The following EIF2AK2 variants were observed in gnomAD, a reference collection of about 807,000 sequenced individuals.
EIF2AK2 encodes interferon-induced, double-stranded RNA-activated protein kinase.
EIF2AK2 carries 40 observed loss-of-function variants against 70.5 expected under a neutral mutation model. That is an observed-to-expected ratio of 0.57 (90% confidence interval 0.44 to 0.74). The LOEUF is 0.74. EIF2AK2 is among the 30% of genes least tolerant of loss of function. The probability of loss-of-function intolerance (pLI) is 0.00; values close to 1 mark genes in which losing one functional copy is unlikely to be tolerated. For missense variants in EIF2AK2, 555 were observed against 644.3 expected, an observed-to-expected ratio of 0.86 and a Z score of 1.50; for synonymous variants, 198 against 220.9, an observed-to-expected ratio of 0.90 and a Z score of 0.92.
chr2:37,145,488 TTAAAAA>T (rs1675500168), intron 4 of EIF2AK2, among the ~76,000 whole-genome samples: 1 of 152,150 alleles, frequency 6.6e-6, no homozygotes, highest in African/African-American at 2.4e-5. Flanking sequence ...AGTGAAAATG[TTAAAAA>T]TAAGAAGTTT....
chr2:37,122,854 G>C (rs1674603518), intron 11 of EIF2AK2, among the ~76,000 whole-genome samples, 190 bp from the exon 12 acceptor site: 3 of 152,118 alleles, frequency 2.0e-5, no homozygotes. Flanking sequence ...AAACATAGCA[G>C]TTCTCACTCT....
intron 4 of EIF2AK2, among the ~76,000 whole-genome samples, chr2:37,141,919 C>T (rs4648173): frequency 0.014 from 2,096 of 152,232 alleles, 44 homozygotes; most frequent in African/African-American, 0.047. Flanking sequence ...GGAAAGAAGT[C>T]ACTTTTTCTT....
At position 37,146,823 on chromosome 2, in the gene EIF2AK2, C is replaced by T. The variant is rs762447859; in HGVS notation, c.240+30G>A. 13 of 1,486,760 alleles carry T rather than the reference C, an allele frequency of 8.7e-6. No individual in the cohort carries two copies. In the South Asian group the frequency reaches 1.4e-4, roughly 16 times the overall value. 92.1% of individuals were successfully genotyped at this position (1,486,760 alleles called of 1,614,324 possible). A position where few individuals can be genotyped will look rare whatever the true frequency, so the allele number is the denominator to read the frequency against. On this transcript the variant is annotated intron_variant, in intron 4 of 16. Transcript: ENST00000233057. ...AACAGAAAATGTATTTGCAAGTTCCCATTTATTAGGAAAAAAGGCAATCAC... is the reference window on the plus strand; with the variant it reads ...AACAGAAAATGTATTTGCAAGTTCCTATTTATTAGGAAAAAAGGCAATCAC...
At chr2:37,140,792 G>A (rs1475948828) in intron 5 of EIF2AK2, among the ~76,000 whole-genome samples, 2 of 152,190 alleles carry the variant, frequency 1.3e-5, no homozygotes, top group African/African-American at 4.8e-5. Context: ...TGGCTCAAAA[G>A]CCATGACTGT....
intron 2 of EIF2AK2, chr2:37,148,509 GA>G: frequency 1.6e-6 from 1 of 623,744 alleles, no homozygotes; most frequent in Admixed American, 2.2e-5. Context: ...ATAAAACAAG[GA>G]AAATATGCTA....
chr2:37,108,730 C>G (rs4648240), intron 15 of EIF2AK2, among the ~76,000 whole-genome samples: 14 of 152,278 alleles, frequency 9.2e-5, no homozygotes, highest in Admixed American at 2.6e-4. Context: ...CCACCACACC[C>G]AGCTAATTTT....
intron 4 of EIF2AK2, among the ~76,000 whole-genome samples, chr2:37,145,847 G>C (rs1293005391): frequency 7.6e-6 from 1 of 131,856 alleles, no homozygotes; most frequent in Non-Finnish European, 1.5e-5. Flanking sequence ...CCTTCTCCCG[G>C]GTTCAAGCAA....
In EIF2AK2 at chr2:37,101,660, G is replaced by C. The variant is rs1673830453; in HGVS notation, c.*5613C>G. The C allele has an allele frequency of 6.6e-6, 1 of 152,186 alleles. No individual in the cohort carries two copies. The highest frequency in any genetic ancestry group is 2.1e-4 in the South Asian group (1 of 4,832). The allele number at this position is 152,186 out of a possible 1,614,324, so 9.4% of individuals were successfully genotyped here. A position where few individuals can be genotyped will look rare whatever the true frequency, so the allele number is the denominator to read the frequency against. On this transcript the variant is annotated 3_prime_UTR_variant, in exon 17 of 17. Coordinates refer to ENST00000233057, the MANE Select transcript of EIF2AK2 (RefSeq NM_001135651.3). Reference sequence around the variant, plus strand: ...GGGGATACTCTCAGTCAAATCCTGAGTGGAGGAAATTCCACAGGACAAATA... The same window carrying C: ...GGGGATACTCTCAGTCAAATCCTGACTGGAGGAAATTCCACAGGACAAATA...
Position 37,148,845 on chromosome 2 carries a change from G to A in EIF2AK2, c.-17+12C>T, listed in dbSNP as rs889838930. On this transcript the variant is annotated intron_variant, in intron 2 of 16. Coordinates refer to ENST00000233057, the MANE Select transcript of EIF2AK2 (RefSeq NM_001135651.3). ...ACTTTTCTGAGTGCAAAATTCGGAA[G>A]ACCGCTTGTACCTGGTTGGAAGCTT... The A allele has an allele frequency of 1.7e-5, 14 of 842,926 alleles. No individual in the cohort carries two copies. Among genetic ancestry groups the A allele is most frequent in the Admixed American group, 1.2e-4 (7 of 58,512 alleles). The allele number at this position is 842,926 out of a possible 1,614,324, so 52.2% of individuals were successfully genotyped here.
At chr2:37,149,117 G>T in intron 1 of EIF2AK2, 94 bp from the exon 2 acceptor site, 1 of 894,690 alleles carries the variant, frequency 1.1e-6, no homozygotes, top group South Asian at 1.3e-5. Flanking sequence ...ATGATAGCCA[G>T]GGTCTCCTGA....
chr2:37,144,476 T>C (rs956573301), intron 4 of EIF2AK2, among the ~76,000 whole-genome samples: 1 of 152,152 alleles, frequency 6.6e-6, no homozygotes, highest in African/African-American at 2.4e-5. Flanking sequence ...TTATTGCTCC[T>C]GAACACTTTC....
At chr2:37,125,491 C>G (rs908664138) in intron 11 of EIF2AK2, among the ~76,000 whole-genome samples, 3 of 152,214 alleles carry the variant, frequency 2.0e-5, no homozygotes, top group African/African-American at 7.2e-5. Context: ...CACTCCTGAT[C>G]TTTTGGATGA....
At chr2:37,155,661 C>G (rs533368192) in intron 1 of EIF2AK2, among the ~76,000 whole-genome samples, 36 of 152,266 alleles carry the variant, frequency 2.4e-4, no homozygotes, top group Admixed American at 4.6e-4. Context: ...ATCATAATCA[C>G]TAAAAAATAA....
rs1174381920 is a variant in EIF2AK2 at position 37,111,939 on chromosome 2, CTA to C, written c.1378-2646_1378-2645del. On this transcript the variant is annotated intron_variant, in intron 14 of 16. Transcript: ENST00000233057. ...ATAATAAATCTCTCTCTCTCTCTCT[CTA>C]TATATATATATATATAGATTTTGAA... Among the ~76,000 whole-genome samples, 64 of 121,648 alleles carry C rather than the reference CTA, an allele frequency of 5.3e-4. 1 individual carries two copies. In the East Asian group the frequency reaches 8.1e-3, roughly 15 times the overall value. The allele number at this position is 121,648 out of a possible 152,430, so 79.8% of individuals were successfully genotyped here.
intron 1 of EIF2AK2, among the ~76,000 whole-genome samples, chr2:37,151,049 T>C (rs1675723891): frequency 6.6e-6 from 1 of 152,194 alleles, no homozygotes; most frequent in African/African-American, 2.4e-5. Flanking sequence ...TGATAAAATT[T>C]TAGCTATGAC....
At chr2:37,134,354 C>A (rs892682227) in intron 10 of EIF2AK2, among the ~76,000 whole-genome samples, 1 of 152,188 alleles carries the variant, frequency 6.6e-6, no homozygotes, top group African/African-American at 2.4e-5. Context: ...GGGAAATTTC[C>A]GTGTAAGATC....
chr2:37,139,198 C>G (rs1675236110), intron 6 of EIF2AK2, among the ~76,000 whole-genome samples: 1 of 151,644 alleles, frequency 6.6e-6, no homozygotes, highest in Admixed American at 6.6e-5. Context: ...GCTTGTAGTC[C>G]CAGCTACTCA....
At chr2:37,140,800 T>C (rs751418303) in intron 5 of EIF2AK2, among the ~76,000 whole-genome samples, 10 of 152,274 alleles carry the variant, frequency 6.6e-5, no homozygotes, top group Non-Finnish European at 1.0e-4. Context: ...AAGCCATGAC[T>C]GTAAATAGCT....
rs1470138098 is a variant in EIF2AK2, at chr2:37,112,441, C to A, written c.1377+2290G>T. On this transcript the variant is annotated intron_variant, in intron 14 of 16. Transcript: ENST00000233057. ...TCAAATATATGAAGATATCAATGTTCCTCACCTGAATCCTCAAATTTGATG... is the reference window on the plus strand; with the variant it reads ...TCAAATATATGAAGATATCAATGTTACTCACCTGAATCCTCAAATTTGATG... Among the ~76,000 whole-genome samples, 18 of 152,164 alleles carry A rather than the reference C, an allele frequency of 1.2e-4. No homozygotes were observed. The East Asian group carries it at 3.3e-3, about 28-fold the overall frequency.
Sources: allele counts gnomAD v4.1 joint callset (sites outside exome capture counted in the v4.1 genomes callset), GRCh38; gene constraint gnomAD v4.1.1; transcripts MANE v1.5; gene names NCBI Gene and HGNC (gene_info 2026-07-23, HGNC 2026-07-21).